The following DAPL1 variants were observed in gnomAD, a reference collection of about 807,000 sequenced individuals.
The protein encoded by DAPL1 is death-associated protein-like 1.
DAPL1 carries 17 observed loss-of-function variants against 12.9 expected under a neutral mutation model. That is an observed-to-expected ratio of 1.32 (90% CI 0.90 to 1.98). The LOEUF (loss-of-function observed/expected upper bound fraction) is 1.98. DAPL1 is among the 30% of genes most tolerant of loss of function. DAPL1 has a pLI of 0.00. For missense variants in DAPL1, 157 were observed against 125.7 expected, an observed-to-expected ratio of 1.25 and a Z score of -1.19; for synonymous variants, 51 against 42.0, an observed-to-expected ratio of 1.21 and a Z score of -0.82.
intron 2 of DAPL1, among the ~76,000 whole-genome samples, chr2:158,806,113 C>G (rs573740772): frequency 6.7e-6 from 1 of 148,404 alleles, no homozygotes; most frequent in East Asian, 1.9e-4. Context: ...TGGACAAACA[C>G]TCCTTTGTAT....
chr2:158,802,822 G>A (rs997669622), intron 1 of DAPL1, among the ~76,000 whole-genome samples: 1 of 152,056 alleles, frequency 6.6e-6, no homozygotes. Context: ...CCTTTTTTTG[G>A]ATTCTGGATC....
Position 158,815,898 on chromosome 2 carries a change from C to A in DAPL1, c.*77C>A. On this transcript the variant is annotated 3_prime_UTR_variant, in exon 4 of 4. Transcript: ENST00000309950. ...CTTAGCAAAAAGGGCCAAAGCTTTC[C>A]ATAGGCGTGCTGCACTTGCTTGGTA... 2 of 990,546 alleles carry A rather than the reference C, an allele frequency of 2.0e-6. No homozygotes were observed. Among genetic ancestry groups the A allele is most frequent in the Non-Finnish European group, 3.3e-6 (2 of 614,746 alleles). 61.4% of individuals were successfully genotyped at this position (990,546 alleles called of 1,614,324 possible). A position where few individuals can be genotyped will look rare whatever the true frequency, so the allele number is the denominator to read the frequency against.
At position 158,807,123 on chromosome 2, in the gene DAPL1, G is replaced by T. The variant is rs747212755; in HGVS notation, c.207+8G>T. ...AATGACGCACTGGAGAAGGTGAGCCGTGGGCAAATCACATAGCGCTCCAAG... is the reference window on the plus strand; with the variant it reads ...AATGACGCACTGGAGAAGGTGAGCCTTGGGCAAATCACATAGCGCTCCAAG... On this transcript the variant is annotated splice_region_variant and intron_variant, in intron 3 of 3. Transcript: ENST00000309950. 1 of 1,604,318 alleles carries T rather than the reference G, an allele frequency of 6.2e-7. No individual in the cohort carries two copies. The highest frequency in any genetic ancestry group is 8.5e-7 in the Non-Finnish European group (1 of 1,173,366).
In DAPL1 at chr2:158,795,324, G is replaced by A; in HGVS notation, c.-49G>A. 1 of 1,550,094 alleles carries A rather than the reference G, an allele frequency of 6.5e-7. No homozygotes were observed. The highest frequency in any genetic ancestry group is 8.7e-7 in the Non-Finnish European group (1 of 1,145,658). On this transcript the variant is annotated 5_prime_UTR_variant, in exon 1 of 4. Coordinates refer to ENST00000309950, the MANE Select transcript of DAPL1 (RefSeq NM_001017920.3). ...TGCGGTGGTGGGGCAGCCACAGCTG[G>A]CATTCAGCCTCCAGAGCACCAGCAC...
At chr2:158,799,691 C>T (rs1375558887) in intron 1 of DAPL1, among the ~76,000 whole-genome samples, 1 of 152,088 alleles carries the variant, frequency 6.6e-6, no homozygotes, top group Non-Finnish European at 1.5e-5. Flanking sequence ...TGAGTAAGAT[C>T]AGCTACCAGA....
intron 3 of DAPL1, among the ~76,000 whole-genome samples, chr2:158,812,858 T>G (rs1452265377): frequency 1.3e-5 from 2 of 151,616 alleles, no homozygotes; most frequent in Non-Finnish European, 2.9e-5. Context: ...ATTCCACTTC[T>G]TCCAATATAA....
intron 3 of DAPL1, among the ~76,000 whole-genome samples, chr2:158,812,568 A>G (rs960993719): frequency 6.6e-6 from 1 of 152,176 alleles, no homozygotes; most frequent in Non-Finnish European, 1.5e-5. Flanking sequence ...CCAAGGCAGG[A>G]GAATTGCTTG....
chr2:158,800,638 C>T (rs2059162214), intron 1 of DAPL1, among the ~76,000 whole-genome samples: 1 of 152,140 alleles, frequency 6.6e-6, no homozygotes, highest in South Asian at 2.1e-4. Context: ...CAGTAAACTG[C>T]TCCTCTGCCC....
intron 3 of DAPL1, among the ~76,000 whole-genome samples, chr2:158,811,927 A>C (rs890940026): frequency 6.6e-6 from 1 of 152,198 alleles, no homozygotes; most frequent in African/African-American, 2.4e-5. Context: ...AACTTTTCCT[A>C]TCTCCATTGA....
In DAPL1 at chr2:158,813,551, C is replaced by G. The variant is rs565575603; in HGVS notation, c.208-2154C>G. ...CTTATTCTAACACTACTCTCCTTTC[C>G]TTTTTCTTTTTTTTTTTTTTTTGAG... On this transcript the variant is annotated intron_variant, in intron 3 of 3. Coordinates refer to ENST00000309950, the MANE Select transcript of DAPL1 (RefSeq NM_001017920.3). Among the ~76,000 whole-genome samples the G allele has an allele frequency of 2.2e-3, 285 of 127,496 alleles. 3 individuals carry two copies. Among genetic ancestry groups the G allele is most frequent in the African/African-American group, 8.4e-3 (275 of 32,738 alleles). 83.6% of individuals were successfully genotyped at this position (127,496 alleles called of 152,430 possible). A position where few individuals can be genotyped will look rare whatever the true frequency, so the allele number is the denominator to read the frequency against.
At chr2:158,802,393 G>A (rs1417074388) in intron 1 of DAPL1, among the ~76,000 whole-genome samples, 1 of 152,190 alleles carries the variant, frequency 6.6e-6, no homozygotes, top group Non-Finnish European at 1.5e-5. Flanking sequence ...CACATTCCTT[G>A]CTAGTCACAA....
At chr2:158,804,598 C>A (rs1369941467) in intron 2 of DAPL1, among the ~76,000 whole-genome samples, 1 of 152,190 alleles carries the variant, frequency 6.6e-6, no homozygotes, top group African/African-American at 2.4e-5. Flanking sequence ...GACCCCCACC[C>A]ATTCTCCTCC....
chr2:158,805,870 G>A (rs1008412277), intron 2 of DAPL1, among the ~76,000 whole-genome samples: 6 of 148,500 alleles, frequency 4.0e-5, no homozygotes, highest in African/African-American at 1.2e-4. Context: ...AAGTACCAGG[G>A]ACAGAAACAG....
At chr2:158,800,991 C>T (rs953321679) in intron 1 of DAPL1, among the ~76,000 whole-genome samples, 3 of 152,120 alleles carry the variant, frequency 2.0e-5, no homozygotes, top group East Asian at 1.9e-4. Context: ...TACCGGCAAT[C>T]GCCACCACAC....
intron 1 of DAPL1, among the ~76,000 whole-genome samples, chr2:158,797,368 A>G (rs1181867818): frequency 6.6e-6 from 1 of 152,204 alleles, no homozygotes; most frequent in African/African-American, 2.4e-5. Flanking sequence ...ACACATCACT[A>G]TCAAAAGAAA....
chr2:158,812,794 CAAAAAA>C (rs148850724), intron 3 of DAPL1, among the ~76,000 whole-genome samples: 1 of 124,460 alleles, frequency 8.0e-6, no homozygotes, highest in African/African-American at 3.1e-5. Context: ...AACCTCAGCT[CAAAAAA>C]AAAAAAAAAG....
At chr2:158,799,052 G>T (rs967871574) in intron 1 of DAPL1, among the ~76,000 whole-genome samples, 80 of 152,216 alleles carry the variant, frequency 5.3e-4, no homozygotes, top group African/African-American at 1.9e-3. Flanking sequence ...ACTAACTGAT[G>T]TATTTTTAAA....
chr2:158,803,481 T>C (rs1199715745), intron 1 of DAPL1, among the ~76,000 whole-genome samples: 2 of 152,254 alleles, frequency 1.3e-5, no homozygotes, highest in Non-Finnish European at 2.9e-5. Context: ...TAGCTTTTTC[T>C]CATTTGAGCT....
chr2:158,804,084 G>A (rs1280934723), intron 1 of DAPL1, among the ~76,000 whole-genome samples, 198 bp from the exon 2 acceptor site: 1 of 152,128 alleles, frequency 6.6e-6, no homozygotes, highest in Non-Finnish European at 1.5e-5. Context: ...TAAACAAGTA[G>A]CTCTCAGCCC....
Sources: gnomAD v4.1 joint callset for allele counts (sites outside exome capture counted in the v4.1 genomes callset) on GRCh38, gnomAD v4.1.1 for gene constraint, MANE v1.5 for transcripts, NCBI Gene and HGNC (gene_info 2026-07-23, HGNC 2026-07-21) for gene names.